The following CEP83 variants were observed in gnomAD, a reference collection of about 807,000 sequenced individuals.
CEP83 encodes the protein centrosomal protein 83.
Under a neutral mutation model 101.9 loss-of-function variants are expected in CEP83, and 70 were observed. The ratio of observed to expected loss-of-function variants is 0.69; its 90% CI spans 0.57 to 0.84. The LOEUF is 0.84. Ranked by LOEUF, CEP83 falls within the 40% of genes least tolerant of loss-of-function variation. The pLI is 0.00. For synonymous variants in CEP83, 264 were observed against 267.9 expected (o/e 0.99, Z 0.14); for missense variants, 715 against 787.2 (o/e 0.91, Z 1.10).
chr12:94,335,728 TAA>T (rs1383853961), intron 11 of CEP83, 64 bp from the exon 12 acceptor site: 7 of 1,076,524 alleles, frequency 6.5e-6, no homozygotes, highest in Non-Finnish European at 9.6e-6. Context: ...TTCACTGAAT[TAA>T]AGAGTCATTT....
intron 1 of CEP83, among the ~76,000 whole-genome samples, chr12:94,436,686 C>T (rs987576380): frequency 1.3e-5 from 2 of 151,770 alleles, no homozygotes; most frequent in Non-Finnish European, 2.9e-5. Flanking sequence ...CAAAAATTAG[C>T]CAGGCACAGT....
chr12:94,423,990 G>C (rs1242270246), intron 2 of CEP83: 1 of 1,613,070 alleles, frequency 6.2e-7, no homozygotes, highest in East Asian at 2.2e-5. Flanking sequence ...GAAATGGGAT[G>C]GTCCATCCCT....
intron 2 of CEP83, among the ~76,000 whole-genome samples, chr12:94,434,223 G>A (rs967371767): frequency 6.6e-6 from 1 of 152,084 alleles, no homozygotes; most frequent in Non-Finnish European, 1.5e-5. Context: ...TCAAGAACAT[G>A]AGCTATTTTA....
intron 11 of CEP83, among the ~76,000 whole-genome samples, chr12:94,356,316 G>A (rs903337114): frequency 6.6e-6 from 1 of 152,152 alleles, no homozygotes; most frequent in Non-Finnish European, 1.5e-5. Flanking sequence ...TAACAGAAGA[G>A]GTTACAGAGC....
At chr12:94,441,055 T>C (rs934113402) in intron 1 of CEP83, among the ~76,000 whole-genome samples, 2 of 152,328 alleles carry the variant, frequency 1.3e-5, no homozygotes, top group Admixed American at 1.3e-4. Context: ...GACTTAAATC[T>C]AAGACCTGAA....
At chr12:94,442,235 T>G (rs983739715) in intron 1 of CEP83, among the ~76,000 whole-genome samples, 1 of 151,950 alleles carries the variant, frequency 6.6e-6, no homozygotes, top group Admixed American at 6.6e-5. Context: ...CGAGATGGAA[T>G]TGGAGGCCAT....
At chr12:94,364,579 A>G (rs999165243) in intron 11 of CEP83, among the ~76,000 whole-genome samples, 1 of 152,100 alleles carries the variant, frequency 6.6e-6, no homozygotes. Flanking sequence ...ACAGTGAGCC[A>G]TGATCGCTCA....
At chr12:94,319,469 G>C (rs1300351323) in intron 14 of CEP83, among the ~76,000 whole-genome samples, 3 of 152,080 alleles carry the variant, frequency 2.0e-5, no homozygotes, top group African/African-American at 7.2e-5. Flanking sequence ...GTGCTGCTAG[G>C]TTGCTGATAT....
At chr12:94,306,836 C>T (rs1470357952), downstream of CEP83, 3 of 152,170 alleles carry the variant, frequency 2.0e-5, no homozygotes, top group Non-Finnish European at 4.4e-5. Flanking sequence ...TGATAGGCAC[C>T]TTCCCAATCC....
chr12:94,382,288 T>C (rs190937309), intron 6 of CEP83, among the ~76,000 whole-genome samples: 78 of 152,064 alleles, frequency 5.1e-4, no homozygotes, highest in Admixed American at 4.2e-3. Flanking sequence ...TTTATTGTCT[T>C]TTCAAAGAAC....
chr12:94,290,172 A>G, the CEP83 span, among the ~76,000 whole-genome samples: 18 of 152,382 alleles, frequency 1.2e-4, no homozygotes, highest in Middle Eastern at 3.4e-3. Flanking sequence ...ACAATTACCC[A>G]GAATGAATCA....
At chr12:94,433,610 G>A (rs1805933028) in intron 2 of CEP83, among the ~76,000 whole-genome samples, 2 of 151,748 alleles carry the variant, frequency 1.3e-5, no homozygotes, top group Non-Finnish European at 2.9e-5. Context: ...GAGCCCAGGA[G>A]GGTCGAGGCT....
At chr12:94,346,352 C>A (rs2059931949) in intron 11 of CEP83, among the ~76,000 whole-genome samples, 1 of 150,638 alleles carries the variant, frequency 6.6e-6, no homozygotes, top group Non-Finnish European at 1.5e-5. Context: ...CGCACCTGGC[C>A]TATTATTTCT....
chr12:94,375,142 G>T (rs2137108264), intron 8 of CEP83, among the ~76,000 whole-genome samples: 1 of 152,144 alleles, frequency 6.6e-6, no homozygotes, highest in Non-Finnish European at 1.5e-5. Context: ...GGAAGGTGGT[G>T]GGAAAGAAAA....
rs77306945 is a variant in CEP83, at chr12:94,334,740, T to C, written c.1419+849A>G. On this transcript the variant is annotated intron_variant, in intron 12 of 16. Coordinates refer to ENST00000397809, the MANE Select transcript of CEP83 (RefSeq NM_016122.3). ...TAGCAGAATAAAACTAAACGGTATG[T>C]CTCAGATTTCTATTTTAGAATAAAT... Among the ~76,000 whole-genome samples, 138 of 152,278 alleles carry C rather than the reference T, an allele frequency of 9.1e-4. 2 individuals are homozygous for C. In the East Asian group the frequency reaches 0.021, roughly 24 times the overall value.
At chr12:94,369,884 A>C in intron 9 of CEP83, 38 bp downstream of exon 9, 1 of 1,029,196 alleles carries the variant, frequency 9.7e-7, no homozygotes, top group Non-Finnish European at 1.5e-6. Context: ...ATCTGAAAAT[A>C]AGCAGCAGCA....
intron 1 of CEP83, among the ~76,000 whole-genome samples, chr12:94,449,779 T>TAA (rs71071787): frequency 0.019 from 915 of 48,544 alleles, 99 homozygotes; most frequent in African/African-American, 0.067. Context: ...TCTCAAACAA[T>TAA]AAAAAAAAAA....
At chr12:94,427,139 C>T (rs1331603184) in intron 2 of CEP83, among the ~76,000 whole-genome samples, 1 of 152,178 alleles carries the variant, frequency 6.6e-6, no homozygotes, top group African/African-American at 2.4e-5. Context: ...CATGGTTAGA[C>T]TTCTTTGATT....
intron 2 of CEP83, among the ~76,000 whole-genome samples, chr12:94,418,769 T>C (rs1035638911): frequency 1.3e-5 from 2 of 152,182 alleles, no homozygotes; most frequent in African/African-American, 2.4e-5. Context: ...ATGTAATAAA[T>C]GCCACTAAAT....
Sources: gnomAD v4.1 joint callset for allele counts (sites outside exome capture counted in the v4.1 genomes callset) on GRCh38, gnomAD v4.1.1 for gene constraint, MANE v1.5 for transcripts, NCBI Gene and HGNC (gene_info 2026-07-23, HGNC 2026-07-21) for gene names.